The following EME1 variants were observed in gnomAD, a reference collection of about 807,000 sequenced individuals.
The protein encoded by EME1 is structure-specific endonuclease subunit EME1.
EME1 carries 61 observed loss-of-function variants against 59.1 expected under a neutral mutation model. The observed-to-expected ratio is 1.03, with a 90% confidence interval of 0.84 to 1.28. The LOEUF (loss-of-function observed/expected upper bound fraction) is 1.28. Ranked by LOEUF, EME1 falls within the 50% of genes most tolerant of loss-of-function variation. The pLI is 0.00. For synonymous variants in EME1, 230 were observed against 254.2 expected (o/e 0.90, Z 0.90); for missense variants, 635 against 682.6 (o/e 0.93, Z 0.78).
chr17:50,378,858 C>G lies in EME1; in HGVS notation c.1075C>G (p.Leu359Val). The G allele has an allele frequency of 6.2e-7, 1 of 1,614,228 alleles. No homozygotes were observed. The highest frequency in any genetic ancestry group is 8.5e-7 in the Non-Finnish European group (1 of 1,180,032). ...DITAKTAGKA[L>V]SLVIVDQEKC... ...CACAGCAAAGACAGCAGGGAAAGCT[C>G]TGTCACTGGTGATTGTGGATCAGGA... Residue 359 changes from leucine to valine, a missense_variant, in exon 5 of 9, where the codon CTG (leucine) becomes GTG (valine). Coordinates refer to ENST00000338165, the MANE Select transcript of EME1 (RefSeq NM_152463.4).
intron 1 of EME1, among the ~76,000 whole-genome samples, chr17:50,374,485 T>C (rs1446933919): frequency 1.3e-5 from 2 of 152,114 alleles, no homozygotes; most frequent in African/African-American, 4.8e-5. Context: ...GTGATCCTTC[T>C]GCTTTGGCCT....
chr17:50,380,487 C>T lies in EME1; in HGVS notation c.1522C>T (p.Gln508Ter), dbSNP rs960055135. ...AGTTGTGAATGCCTATCCCTCCCCA[C>T]AGCTCCTGGTACAGGTATGCTGCTC... ...SAVVNAYPSP[Q>*]LLVQAYQQCF... Residue 508 changes from glutamine to a stop codon, truncating the protein, a stop_gained, in exon 8 of 9, where the codon CAG (glutamine) becomes TAG (stop). Coordinates refer to ENST00000338165, the MANE Select transcript of EME1 (RefSeq NM_152463.4). LOFTEE classifies it high-confidence loss of function. 3 of 1,613,718 alleles carry T rather than the reference C, an allele frequency of 1.9e-6. No individual in the cohort carries two copies. Among genetic ancestry groups the T allele is most frequent in the African/African-American group, 2.7e-5 (2 of 74,928 alleles).
At position 50,381,199 on chromosome 17, in the gene EME1, T is replaced by A; in HGVS notation, c.*260T>A. 2.2e-6 allele frequency: 1 copy of A among 455,292 alleles called. No individual in the cohort carries two copies. The highest frequency in any genetic ancestry group is 4.0e-6 in the Non-Finnish European group (1 of 252,466). The allele number at this position is 455,292 out of a possible 1,614,324, so 28.2% of individuals were successfully genotyped here. A position where few individuals can be genotyped will look rare whatever the true frequency, so the allele number is the denominator to read the frequency against. On this transcript the variant is annotated 3_prime_UTR_variant, in exon 9 of 9. Coordinates refer to ENST00000338165, the MANE Select transcript of EME1 (RefSeq NM_152463.4). Reference sequence around the variant, plus strand: ...GCCACAGACAAACCACCCCCACTCCTACCCAGCCAGCCCTCAAAACACAAA... The same window carrying A: ...GCCACAGACAAACCACCCCCACTCCAACCCAGCCAGCCCTCAAAACACAAA...
intron 1 of EME1, 69 bp from the exon 2 acceptor site, chr17:50,375,116 G>C: frequency 8.1e-7 from 1 of 1,232,574 alleles, no homozygotes; most frequent in South Asian, 1.4e-5. Flanking sequence ...ATAAAGCCTG[G>C]CTATGGAACA....
chr17:50,375,606 G>T lies in EME1; in HGVS notation c.398G>T (p.Cys133Phe). 6.4e-7 allele frequency: 1 copy of T among 1,574,728 alleles called. No homozygotes were observed. Among genetic ancestry groups the T allele is most frequent in the Non-Finnish European group, 8.6e-7 (1 of 1,167,122 alleles). ...LDHQNNEGAS[C>F]DWKKPFPKIP... Reference sequence around the variant, plus strand: ...CATCAAAATAATGAAGGTGCATCATGTGACTGGAAAAAGCCCTTTCCAAAG... The same window carrying T: ...CATCAAAATAATGAAGGTGCATCATTTGACTGGAAAAAGCCCTTTCCAAAG... Residue 133 changes from cysteine (C) to phenylalanine (F), a missense_variant, in exon 2 of 9, where the codon TGT becomes TTT. Cys to Phe is a radical substitution (Grantham distance 205). Transcript: ENST00000338165.
rs1455665924 is a variant in EME1, at chr17:50,379,554, G to A, written c.1333G>A (p.Glu445Lys). The part of the protein sequence containing the change: ...FTCAFTKAVA[E>K]APFKKLRDET... The stretch of plus-strand genomic sequence containing the variant: ...ATGCGCATTCACAAAGGCTGTGGCT[G>A]AGGCGCCCTTCAAGTGAGTAACCCC... The change falls in exon 7 of 9, where the codon GAG (glutamate) becomes AAG (lysine). Residue 445 changes from glutamate to lysine, a missense_variant. By Grantham distance (56) the Glu-to-Lys change is moderately conservative. Coordinates refer to ENST00000338165, the MANE Select transcript of EME1 (RefSeq NM_152463.4). The A allele has an allele frequency of 6.2e-7, 1 of 1,614,150 alleles. No homozygotes were observed. Among genetic ancestry groups the A allele is most frequent in the South Asian group, 1.1e-5 (1 of 91,058 alleles).
chr17:50,376,964 G>A (rs1014863928), intron 3 of EME1, among the ~76,000 whole-genome samples: 2 of 152,070 alleles, frequency 1.3e-5, no homozygotes, highest in African/African-American at 2.4e-5. Context: ...TGCCCAGGCT[G>A]GTCTTCAACT....
At chr17:50,374,139 T>C (rs558725156) in intron 1 of EME1, among the ~76,000 whole-genome samples, 2 of 152,164 alleles carry the variant, frequency 1.3e-5, no homozygotes, top group Admixed American at 6.5e-5. Flanking sequence ...GATAAAATAG[T>C]GATGATGGTT....
At position 50,378,650 on chromosome 17, in the gene EME1, C is replaced by T; in HGVS notation, c.959C>T (p.Ala320Val). ...PTVLVLLRAE[A>V]FVSMIDNGKQ... The stretch of plus-strand genomic sequence containing the variant: ...GTACTGGTGTTGCTCCGGGCAGAGG[C>T]ATTTGTGTCCATGATCGACAATGGA... Residue 320 changes from alanine (A) to valine (V), a missense_variant, in exon 4 of 9, where the codon GCA (alanine) becomes GTA (valine). Physicochemically the swap from Ala to Val is moderately conservative, Grantham distance 64 (BLOSUM62 0). Transcript: ENST00000338165. 1 of 1,614,118 alleles carries T rather than the reference C, an allele frequency of 6.2e-7. No homozygotes were observed.
At position 50,375,812 on chromosome 17, in the gene EME1, A is replaced by G. The variant is rs1353724743; in HGVS notation, c.604A>G (p.Ser202Gly). Residue 202 changes from serine (S) to glycine (G), a missense_variant, in exon 2 of 9, where the codon AGT (serine) becomes GGT (glycine). Transcript: ENST00000338165. ...TCCACCCCAGAAGAAAACCAAGCCG[A>G]GTCAGAAGGTCCAGGGAAGAGGCTC... Reference protein sequence around the residue: ...ILPPQKKTKPSQKVQGRGSHG... With the variant: ...ILPPQKKTKPGQKVQGRGSHG... The G allele has an allele frequency of 6.2e-7, 1 of 1,614,096 alleles. No individual in the cohort carries two copies. The highest frequency in any genetic ancestry group is 8.5e-7 in the Non-Finnish European group (1 of 1,180,026).
chr17:50,379,069 C>G lies in EME1; in HGVS notation c.1113-38C>G, dbSNP rs554427269. The stretch of plus-strand genomic sequence containing the variant: ...TCTGTATCTTCTGCCTGACTTCAGC[C>G]TGGAGCTGCTGTTCTTTGATTTCCT... On this transcript the variant is annotated intron_variant, in intron 5 of 8. Transcript: ENST00000338165. 2.5e-6 allele frequency: 4 copies of G among 1,614,084 alleles called. No individual in the cohort carries two copies. In the African/African-American group the frequency reaches 5.3e-5, roughly 22 times the overall value.
intron 7 of EME1, 119 bp from the exon 8 acceptor site, chr17:50,380,193 G>T: frequency 9.7e-7 from 1 of 1,026,162 alleles, no homozygotes; most frequent in South Asian, 1.7e-5. Context: ...AAAAAGGCCA[G>T]ATGTAACATG....
Position 50,375,339 on chromosome 17 carries a change from T to C in EME1, c.131T>C (p.Ile44Thr), listed in dbSNP as rs751504552. The change falls in exon 2 of 9, where the codon ATT becomes ACT. Residue 44 changes from isoleucine to threonine, a missense_variant. Transcript: ENST00000338165. ...AGACAGCCTGAAAGGGAAGAGAAGA[T>C]TGTAGTGGTTGACATCTCAGATTGT... ...KRRQPEREEK[I>T]VVVDISDCEA... is the part of the protein sequence containing the mutation. The C allele has an allele frequency of 6.2e-7, 1 of 1,614,166 alleles. No individual in the cohort carries two copies. Among genetic ancestry groups the C allele is most frequent in the East Asian group, 2.2e-5 (1 of 44,876 alleles).
At chr17:50,373,439 C>T (rs769733454) in intron 1 of EME1, among the ~76,000 whole-genome samples, 162 bp downstream of exon 1, 60 of 152,218 alleles carry the variant, frequency 3.9e-4, no homozygotes, top group Non-Finnish European at 5.9e-4. Context: ...TCCCACTCCC[C>T]TGATTTGCAG....
chr17:50,378,204 T>C (rs1311798526), intron 3 of EME1, among the ~76,000 whole-genome samples: 1 of 151,888 alleles, frequency 6.6e-6, no homozygotes, highest in African/African-American at 2.4e-5. Context: ...GTAGCTGGGA[T>C]TACAGGCACG....
rs371970975 is a variant in EME1 at position 50,380,210 on chromosome 17, A to G, written c.1347-102A>G. 99 of 1,234,690 alleles carry G rather than the reference A, an allele frequency of 8.0e-5. No individual in the cohort carries two copies. The African/African-American group carries it at 1.2e-3, about 16-fold the overall frequency. 76.5% of individuals were successfully genotyped at this position (1,234,690 alleles called of 1,614,324 possible). A position where few individuals can be genotyped will look rare whatever the true frequency, so the allele number is the denominator to read the frequency against. On this transcript the variant is annotated intron_variant, in intron 7 of 8. Transcript: ENST00000338165. ...AAAGGCCAGATGTAACATGGCGCCC[A>G]CCTCTTCCAAGGTCAGTGGGGGGGT...
intron 1 of EME1, 76 bp downstream of exon 1, chr17:50,373,353 G>A (rs2044768173): frequency 1.3e-6 from 1 of 791,984 alleles, no homozygotes; most frequent in African/African-American, 1.7e-5. Context: ...AATCTTGGTG[G>A]CTAAGGTGTC....
In EME1 at chr17:50,380,484, C is replaced by G. The variant is rs758488932; in HGVS notation, c.1519C>G (p.Pro507Ala). ...ASAVVNAYPS[P>A]QLLVQAYQQC... ...TGCAGTTGTGAATGCCTATCCCTCC[C>G]CACAGCTCCTGGTACAGGTATGCTG... The change falls in exon 8 of 9, where the codon CCA (proline) becomes GCA (alanine). Residue 507 changes from proline to alanine, a missense_variant. By Grantham distance (27) the Pro-to-Ala change is conservative. Transcript: ENST00000338165. 6.2e-7 allele frequency: 1 copy of G among 1,613,884 alleles called. No homozygotes were observed. The highest frequency in any genetic ancestry group is 2.2e-5 in the East Asian group (1 of 44,882).
intron 3 of EME1, among the ~76,000 whole-genome samples, chr17:50,377,610 CTGTT>C (rs1374775277): frequency 2.0e-5 from 3 of 152,146 alleles, no homozygotes; most frequent in Admixed American, 1.3e-4. Flanking sequence ...AAAAACCTAT[CTGTT>C]TGTAAGGACC....
Sources: allele counts gnomAD v4.1 joint callset (sites outside exome capture counted in the v4.1 genomes callset), GRCh38; gene constraint gnomAD v4.1.1; transcripts MANE v1.5; gene names NCBI Gene and HGNC (gene_info 2026-07-23, HGNC 2026-07-21).